Variants in KRT71 observed in about 807,000 individuals in gnomAD.
KRT71 encodes the protein keratin 71, also known as keratin, type II cytoskeletal 71.
A neutral mutation model predicts 46.2 loss-of-function variants in KRT71; 42 were observed. That is an observed-to-expected ratio of 0.91 (90% CI 0.71 to 1.18). KRT71 has a LOEUF of 1.18. Ranked by LOEUF, KRT71 falls within the 50% of genes most tolerant of loss-of-function variation. The probability of loss-of-function intolerance (pLI) is 0.00; values close to 1 mark genes in which losing one functional copy is unlikely to be tolerated. For missense variants in KRT71, 708 were observed against 677.9 expected (o/e 1.04, Z -0.49); for synonymous variants, 292 against 277.8 (o/e 1.05, Z -0.51).
chr12:52,550,284 A>AT, intron 1 of KRT71, 41 bp from the exon 2 acceptor site: 1 of 1,605,530 alleles, frequency 6.2e-7, no homozygotes, highest in Non-Finnish European at 8.5e-7. Context: ...CCTTGCAGTA[A>AT]TAGTCACACG....
chr12:52,549,946 G>A (rs1939135195), intron 2 of KRT71, 83 bp downstream of exon 2: 3 of 1,520,438 alleles, frequency 2.0e-6, no homozygotes, highest in Admixed American at 1.7e-5. Flanking sequence ...GACCTCCAAA[G>A]CATTTAAGCT....
In KRT71 at chr12:52,552,965, C is replaced by T; in HGVS notation, c.113G>A (p.Gly38Glu). 1 of 1,614,202 alleles carries T rather than the reference C, an allele frequency of 6.2e-7. No homozygotes were observed. The highest frequency in any genetic ancestry group is 8.5e-7 in the Non-Finnish European group (1 of 1,180,050). The change falls in exon 1 of 9, where the codon GGG becomes GAG. Residue 38 changes from glycine (G) to glutamate (E), a missense_variant. Physicochemically the swap from Gly to Glu is moderately conservative, Grantham distance 98. Coordinates refer to ENST00000267119, the MANE Select transcript of KRT71 (RefSeq NM_033448.3). ...SSSSFRAGSK[G>E]LSGGFGSRSL... Reference sequence around the variant, plus strand: ...CCGGCTGCCAAAGCCCCCACTGAGCCCTTTGCTCCCTGCCCGGAAGGAGGA... The same window carrying T: ...CCGGCTGCCAAAGCCCCCACTGAGCTCTTTGCTCCCTGCCCGGAAGGAGGA...
intron 4 of KRT71, 40 bp downstream of exon 4, chr12:52,548,661 C>T (rs200251523): frequency 3.8e-6 from 6 of 1,567,036 alleles, no homozygotes; most frequent in Admixed American, 1.7e-5. Flanking sequence ...TTTAACCCAC[C>T]AGCCTCCCCT....
Position 52,552,923 on chromosome 12 carries a change from C to T in KRT71, c.155G>A (p.Gly52Glu). Residue 52 changes from glycine to glutamate, a missense_variant, in exon 1 of 9, where the codon GGG becomes GAG. Physicochemically the swap from Gly to Glu is moderately conservative, Grantham distance 98 (BLOSUM62 -2). Transcript: ENST00000267119. ...GGCCACATTGAGGCTCCGGACACCC[C>T]CCAGGCTGTAGAGGCTCCGGCTGCC... ...GFGSRSLYSLGGVRSLNVASG... is the reference protein window; with the variant it reads ...GFGSRSLYSLEGVRSLNVASG... 6.2e-7 allele frequency: 1 copy of T among 1,614,212 alleles called. No homozygotes were observed. Among genetic ancestry groups the T allele is most frequent in the South Asian group, 1.1e-5 (1 of 91,090 alleles).
At position 52,553,074 on chromosome 12, in the gene KRT71, T is replaced by A; in HGVS notation, c.4A>T (p.Ser2Cys). 1 of 1,572,516 alleles carries A rather than the reference T, an allele frequency of 6.4e-7. No individual in the cohort carries two copies. The highest frequency in any genetic ancestry group is 8.6e-7 in the Non-Finnish European group (1 of 1,158,458). MSRQFTCKSGAA... is the reference protein window; with the variant it reads MCRQFTCKSGAA... ...CCCGACTTGCAGGTGAATTGGCGGC[T>A]CATGTTGCTGGTGGAGACAAAGCTC... Residue 2 changes from serine (S) to cysteine (C), a missense_variant, in exon 1 of 9, where the codon AGC becomes TGC. Coordinates refer to ENST00000267119, the MANE Select transcript of KRT71 (RefSeq NM_033448.3).
Position 52,546,309 on chromosome 12 carries a change from C to T in KRT71, c.1302G>A (p.Lys434=), listed in dbSNP as rs1391004201. 6.2e-7 allele frequency: 1 copy of T among 1,614,184 alleles called. No homozygotes were observed. ...ALDMEIATYR[K]LLESEECRMS... is the part of the protein sequence containing the mutation. ...ACCTGCACTCCTCGCTCTCCAGTAG[C>T]TTGCGATAGGTGGCGATCTCCATGT... Residue 434 remains lysine, a synonymous_variant, in exon 7 of 9, where the codon AAG becomes AAA. Transcript: ENST00000267119.
At chr12:52,548,039 G>A (rs1014097542) in intron 5 of KRT71, 57 bp from the exon 6 acceptor site, 2 of 1,607,728 alleles carry the variant, frequency 1.2e-6, no homozygotes, top group African/African-American at 1.3e-5. Flanking sequence ...TGTATCTTGG[G>A]ATCAGAACAC....
chr12:52,544,724 A>G lies in KRT71; in HGVS notation c.1380T>C (p.Ser460=), dbSNP rs756551310. ...PVSISIISST[S]GGSVYGFRPS... is the part of the protein sequence containing the mutation. The stretch of plus-strand genomic sequence containing the variant: ...GCCGGAAGCCATAGACACTGCCGCC[A>G]CTGGTGCTGCTGATGATGGCTGCAG... Residue 460 remains serine (S), a synonymous_variant, in exon 9 of 9, where the codon AGT becomes AGC. Coordinates refer to ENST00000267119, the MANE Select transcript of KRT71 (RefSeq NM_033448.3). The G allele has an allele frequency of 6.2e-7, 1 of 1,612,236 alleles. No individual in the cohort carries two copies. The highest frequency in any genetic ancestry group is 1.7e-5 in the Admixed American group (1 of 59,938).
intron 7 of KRT71, among the ~76,000 whole-genome samples, chr12:52,545,832 C>T (rs962204572): frequency 6.6e-6 from 1 of 152,128 alleles, no homozygotes; most frequent in Non-Finnish European, 1.5e-5. Context: ...AAGGTGCACA[C>T]GTAGGGGCAG....
At chr12:52,550,772 C>A (rs985157022) in intron 1 of KRT71, among the ~76,000 whole-genome samples, 1 of 152,238 alleles carries the variant, frequency 6.6e-6, no homozygotes, top group South Asian at 2.1e-4. Context: ...TTCTCTGCAA[C>A]AAGCATGGCA....
At chr12:52,545,023 C>A (rs1939036301) in intron 8 of KRT71, among the ~76,000 whole-genome samples, 2 of 152,182 alleles carry the variant, frequency 1.3e-5, no homozygotes, top group South Asian at 2.1e-4. Context: ...GGACACCCAC[C>A]CATTGCCCTT....
intron 1 of KRT71, among the ~76,000 whole-genome samples, chr12:52,552,134 C>T (rs199705292): frequency 6.6e-6 from 1 of 152,232 alleles, no homozygotes; most frequent in African/African-American, 2.4e-5. Context: ...ACCGTGGAGT[C>T]CCCTTCCCCA....
chr12:52,544,382 G>A lies in KRT71; in HGVS notation c.*150C>T. The A allele has an allele frequency of 1.3e-6, 1 of 757,930 alleles. No individual in the cohort carries two copies. Among genetic ancestry groups the A allele is most frequent in the Non-Finnish European group, 2.3e-6 (1 of 431,634 alleles). 47.0% of individuals were successfully genotyped at this position (757,930 alleles called of 1,614,324 possible). A position where few individuals can be genotyped will look rare whatever the true frequency, so the allele number is the denominator to read the frequency against. ...GCCTTCCCAGGATCAGGAAGACACA[G>A]GCTGGGAGAAGTGGGTGGCCAAGGC... On this transcript the variant is annotated 3_prime_UTR_variant, in exon 9 of 9. Transcript: ENST00000267119.
chr12:52,548,359 G>C, intron 4 of KRT71, 43 bp from the exon 5 acceptor site: 2 of 1,569,242 alleles, frequency 1.3e-6, no homozygotes, highest in Admixed American at 1.8e-5. Flanking sequence ...AACTGCTGTC[G>C]GAAGCCAACC....
In KRT71 at chr12:52,553,048, T is replaced by A. The variant is rs1318156136; in HGVS notation, c.30A>T (p.Gly10=). Residue 10 remains glycine (G), a synonymous_variant, in exon 1 of 9, where the codon GGA becomes GGT. Transcript: ENST00000267119. ...CACTGAAGCCCCCCTTGGCGGCAGC[T>A]CCCGACTTGCAGGTGAATTGGCGGC... MSRQFTCKS[G]AAAKGGFSGC... is the part of the protein sequence containing the mutation. The A allele has an allele frequency of 3.1e-6, 5 of 1,589,482 alleles. No homozygotes were observed. The South Asian group carries it at 5.7e-5, about 18-fold the overall frequency.
intron 6 of KRT71, among the ~76,000 whole-genome samples, chr12:52,547,330 A>G (rs1253337712): frequency 6.6e-6 from 1 of 152,192 alleles, no homozygotes; most frequent in Non-Finnish European, 1.5e-5. Flanking sequence ...TCTCACCTAC[A>G]AGCCGAGGCT....
At chr12:52,545,096 A>T (rs1409688019) in intron 8 of KRT71, among the ~76,000 whole-genome samples, 1 of 152,196 alleles carries the variant, frequency 6.6e-6, no homozygotes, top group East Asian at 1.9e-4. Context: ...GCTGTCCCAC[A>T]GCAGGCATCT....
At chr12:52,550,415 G>T (rs1565602566) in intron 1 of KRT71, among the ~76,000 whole-genome samples, 172 bp from the exon 2 acceptor site, 1 of 152,196 alleles carries the variant, frequency 6.6e-6, no homozygotes, top group South Asian at 2.1e-4. Context: ...GAGCAACTTC[G>T]GCTGTTTCCA....
At chr12:52,551,766 C>G (rs1414901167) in intron 1 of KRT71, among the ~76,000 whole-genome samples, 1 of 152,220 alleles carries the variant, frequency 6.6e-6, no homozygotes, top group Admixed American at 6.5e-5. Context: ...CCATTTACCT[C>G]CATGCCTTCA....
Sources: allele counts gnomAD v4.1 joint callset (sites outside exome capture counted in the v4.1 genomes callset), GRCh38; gene constraint gnomAD v4.1.1; transcripts MANE v1.5; gene names NCBI Gene and HGNC (gene_info 2026-07-23, HGNC 2026-07-21).